MBNL2: variants seen among roughly 807,000 people sequenced by gnomAD.
MBNL2 encodes the protein muscleblind-like protein 2.
Under a neutral mutation model 41.9 loss-of-function variants are expected in MBNL2, and 17 were observed. The ratio of observed to expected loss-of-function variants is 0.41; its 90% confidence interval spans 0.28 to 0.61. The LOEUF is 0.61. Among genes scored for constraint, MBNL2 ranks in the 20% least tolerant of loss-of-function variants. The probability of loss-of-function intolerance (pLI) is 0.35; values close to 1 mark genes in which losing one functional copy is unlikely to be tolerated. For synonymous variants in MBNL2, 195 were observed against 182.9 expected, an observed-to-expected ratio of 1.07 and a Z score of -0.53; for missense variants, 336 against 505.6, an observed-to-expected ratio of 0.66 and a Z score of 3.22.
intron 7 of MBNL2, among the ~76,000 whole-genome samples, chr13:97,360,353 A>G (rs2063302531): frequency 6.6e-6 from 1 of 152,190 alleles, no homozygotes; most frequent in Admixed American, 6.5e-5. Context: ...CTCCCAAACT[A>G]TGCTAAGATA....
chr13:97,254,924 G>A (rs892885497), intron 1 of MBNL2, among the ~76,000 whole-genome samples: 3 of 152,156 alleles, frequency 2.0e-5, no homozygotes, highest in African/African-American at 7.2e-5. Flanking sequence ...TGACACTAAA[G>A]CCAGAGCATA....
At chr13:97,383,903 A>ATT (rs201404646) in intron 8 of MBNL2, among the ~76,000 whole-genome samples, 16 of 145,600 alleles carry the variant, frequency 1.1e-4, no homozygotes, top group South Asian at 2.2e-4. Context: ...TATATAATTA[A>ATT]TTTTTTTTTT....
chr13:97,366,462 C>T lies in MBNL2; in HGVS notation c.1048+1291C>T, dbSNP rs1489046616. ...CCCATGGTTCCCCTCCTGAAAGTACCCATGATGCACAGCGCTACGTCCGCC... is the reference window on the plus strand; with the variant it reads ...CCCATGGTTCCCCTCCTGAAAGTACTCATGATGCACAGCGCTACGTCCGCC... On this transcript the variant is annotated intron_variant, in intron 8 of 8. Transcript: ENST00000679496. This position sits in a 1 kb window ranked among gnomAD's most constrained non-coding sequence, Gnocchi z 4.7. The T allele has an allele frequency of 1.3e-6, 2 of 1,571,992 alleles. No homozygotes were observed. The highest frequency in any genetic ancestry group is 1.3e-5 in the African/African-American group (1 of 74,098).
chr13:97,166,705 CTCCT>C, the MBNL2 span, among the ~76,000 whole-genome samples: 1 of 151,996 alleles, frequency 6.6e-6, no homozygotes, highest in Non-Finnish European at 1.5e-5. Context: ...CAGACTGGCT[CTCCT>C]TGCTCCTCAG....
chr13:97,358,329 G>A (rs1265638733), intron 7 of MBNL2, among the ~76,000 whole-genome samples: 3 of 152,102 alleles, frequency 2.0e-5, no homozygotes, highest in Non-Finnish European at 4.4e-5. Flanking sequence ...CCCCCTAAAT[G>A]AGAAGTGACT....
At chr13:97,247,189 T>G (rs191290034) in intron 1 of MBNL2, among the ~76,000 whole-genome samples, 1 of 152,208 alleles carries the variant, frequency 6.6e-6, no homozygotes, top group Non-Finnish European at 1.5e-5. Context: ...AACTAACACA[T>G]GAAGAGAGCT....
intron 1 of MBNL2, among the ~76,000 whole-genome samples, chr13:97,234,109 T>C (rs1384251116): frequency 6.6e-6 from 1 of 152,242 alleles, no homozygotes; most frequent in Admixed American, 6.5e-5. Flanking sequence ...TCTTTCTTTA[T>C]TGACCGGACA....
rs73559956 is a variant in MBNL2, at chr13:97,377,456, A to G, written c.1048+12285A>G. Among the ~76,000 whole-genome samples the G allele has an allele frequency of 6.5e-3, 995 of 152,346 alleles. 14 individuals are homozygous for G. Among genetic ancestry groups the G allele is most frequent in the African/African-American group, 0.023 (953 of 41,572 alleles). ...TCTACATTTATTTGAACTTTGTTCA[A>G]TAAAATAAATTTGCTTCCTCCCTAC... On this transcript the variant is annotated intron_variant, in intron 8 of 8. Transcript: ENST00000679496.
the MBNL2 span, among the ~76,000 whole-genome samples, chr13:97,191,047 T>C: frequency 1.3e-5 from 2 of 152,084 alleles, no homozygotes; most frequent in African/African-American, 4.8e-5. Context: ...ATGCCTGTAA[T>C]GAAGTCATAC....
intron 2 of MBNL2, among the ~76,000 whole-genome samples, chr13:97,301,333 CT>C (rs2153001223): frequency 6.6e-6 from 1 of 152,250 alleles, no homozygotes; most frequent in Admixed American, 6.5e-5. Context: ...AAGCAGAGAG[CT>C]TATATTAATG....
At chr13:97,347,253 C>A (rs1489842091) in intron 5 of MBNL2, among the ~76,000 whole-genome samples, 186 bp downstream of exon 5, 3 of 152,198 alleles carry the variant, frequency 2.0e-5, no homozygotes, top group Admixed American at 6.5e-5. Flanking sequence ...TCCTGCCCCC[C>A]TTCAGCACAA....
At chr13:97,380,603 A>G (rs893948519) in intron 8 of MBNL2, among the ~76,000 whole-genome samples, 4 of 152,158 alleles carry the variant, frequency 2.6e-5, no homozygotes, top group Non-Finnish European at 5.9e-5. Context: ...TGGGTCTTAC[A>G]TGGTGAGGGG....
At chr13:97,356,760 C>G in intron 5 of MBNL2, 36 bp from the exon 6 acceptor site, 1 of 1,320,520 alleles carries the variant, frequency 7.6e-7, no homozygotes, top group Non-Finnish European at 1.0e-6. Flanking sequence ...CCCATTGGCC[C>G]ACTGCCATCA....
intron 2 of MBNL2, among the ~76,000 whole-genome samples, chr13:97,320,740 C>T (rs1298923767): frequency 6.6e-6 from 1 of 151,740 alleles, no homozygotes; most frequent in Non-Finnish European, 1.5e-5. Context: ...ATGGTAAAAC[C>T]CCATCTCTAT....
the MBNL2 span, among the ~76,000 whole-genome samples, chr13:97,155,455 T>C: frequency 6.6e-6 from 1 of 151,268 alleles, no homozygotes; most frequent in Non-Finnish European, 1.5e-5. Flanking sequence ...TGCAGGTTAG[T>C]TACATACGTA....
chr13:97,370,676 A>AAAAAG (rs1555320979), intron 8 of MBNL2, among the ~76,000 whole-genome samples: 9 of 151,554 alleles, frequency 5.9e-5, no homozygotes, highest in African/African-American at 9.7e-5. Context: ...TCAAAAAAAA[A>AAAAAG]AAAGAAAGAA....
the MBNL2 span, among the ~76,000 whole-genome samples, chr13:97,146,209 G>C: frequency 6.7e-6 from 1 of 150,262 alleles, no homozygotes. Context: ...CACCATGTTG[G>C]CTGGGATGGT....
the MBNL2 span, among the ~76,000 whole-genome samples, chr13:97,184,474 C>G: frequency 6.6e-6 from 1 of 152,106 alleles, no homozygotes; most frequent in Non-Finnish European, 1.5e-5. Flanking sequence ...CCCATCCTTC[C>G]GTGTTCCCCC....
intron 1 of MBNL2, among the ~76,000 whole-genome samples, chr13:97,223,074 G>T (rs950913549): frequency 1.3e-5 from 2 of 152,152 alleles, no homozygotes; most frequent in African/African-American, 2.4e-5. Flanking sequence ...CTAGCAAGAG[G>T]TAGCTTTCTG....
Sources: allele counts gnomAD v4.1 joint callset (sites outside exome capture counted in the v4.1 genomes callset), GRCh38; gene constraint gnomAD v4.1.1; non-coding constraint Gnocchi (gnomAD v3.1); transcripts MANE v1.5; gene names NCBI Gene and HGNC (gene_info 2026-07-23, HGNC 2026-07-21).